USP34: variants seen among roughly 807,000 people sequenced by gnomAD.
USP34 encodes ubiquitin specific peptidase 34.
A neutral mutation model predicts 460.3 loss-of-function variants in USP34; 70 were observed. That is an observed-to-expected ratio of 0.15 (90% CI 0.13 to 0.19). The LOEUF (loss-of-function observed/expected upper bound fraction) is 0.19, where lower values mean the gene tolerates loss of function less well. USP34 is among the 10% of genes least tolerant of loss of function. The pLI, the probability that USP34 is intolerant of heterozygous loss-of-function variation, is 1.00. For missense variants in USP34, 3,985 were observed against 4,236.2 expected, an observed-to-expected ratio of 0.94 and a Z score of 1.65; for synonymous variants, 1,647 against 1,405.3, an observed-to-expected ratio of 1.17 and a Z score of -3.85.
intron 67 of USP34, among the ~76,000 whole-genome samples, chr2:61,220,040 C>T (rs906085670): frequency 6.6e-6 from 1 of 150,702 alleles, no homozygotes; most frequent in African/African-American, 2.4e-5. Context: ...ATTTTCAAAC[C>T]TTTTTATTCC....
rs571885085 is a variant in USP34, at chr2:61,338,499, G to T, written c.2744+852C>A. ...GCATGTACTTTTAAAATTCAATAGGGGAAAAAAATATTTTCAAGCACTTAT... is the reference window on the plus strand; with the variant it reads ...GCATGTACTTTTAAAATTCAATAGGTGAAAAAAATATTTTCAAGCACTTAT... On this transcript the variant is annotated intron_variant, in intron 18 of 79. Transcript: ENST00000398571. 7.2e-5 allele frequency among the ~76,000 whole-genome samples: 11 copies of T among 152,128 alleles called. No individual in the cohort carries two copies. In the East Asian group the frequency reaches 1.7e-3, roughly 24 times the overall value.
intron 2 of USP34, among the ~76,000 whole-genome samples, chr2:61,416,495 G>C (rs1694198200): frequency 6.6e-6 from 1 of 152,014 alleles, no homozygotes; most frequent in African/African-American, 2.4e-5. Context: ...TTAAATACCT[G>C]TTAAGGAACG....
chr2:61,341,225 T>C (rs1691589250), intron 16 of USP34, among the ~76,000 whole-genome samples: 2 of 152,242 alleles, frequency 1.3e-5, no homozygotes, highest in African/African-American at 4.8e-5. Flanking sequence ...TATCAGTTAA[T>C]TCCAGTTGGA....
At chr2:61,239,926 G>C (rs1688197357) in intron 53 of USP34, among the ~76,000 whole-genome samples, 3 of 150,214 alleles carry the variant, frequency 2.0e-5, no homozygotes, top group Admixed American at 1.3e-4. Flanking sequence ...CAGGAGAATG[G>C]CATGAACCCA....
At chr2:61,307,824 G>T (rs973668640) in intron 27 of USP34, among the ~76,000 whole-genome samples, 2 of 152,200 alleles carry the variant, frequency 1.3e-5, no homozygotes, top group South Asian at 4.2e-4. Context: ...AAGGGGGGAG[G>T]ATAGCTTGAG....
At chr2:61,442,684 T>C (rs575331424) in intron 1 of USP34, among the ~76,000 whole-genome samples, 90 of 152,282 alleles carry the variant, frequency 5.9e-4, no homozygotes, top group Non-Finnish European at 1.0e-3. Context: ...ACAGCCACTA[T>C]AGAGAACAGT....
At chr2:61,453,714 C>CA (rs1169951643) in intron 1 of USP34, among the ~76,000 whole-genome samples, 3,144 of 30,006 alleles carry the variant, frequency 0.1, 171 homozygotes, top group African/African-American at 0.18. Context: ...CATTCCATCT[C>CA]AAAAAAAAAA....
intron 1 of USP34, among the ~76,000 whole-genome samples, chr2:61,434,310 T>A (rs559904675): frequency 1.3e-5 from 2 of 151,882 alleles, no homozygotes; most frequent in Admixed American, 6.5e-5. Flanking sequence ...CACATCCCAG[T>A]CCTAAGAAAC....
chr2:61,245,297 G>A lies in USP34; in HGVS notation c.6549-9C>T, dbSNP rs765923131. 8.2e-6 allele frequency: 13 copies of A among 1,575,918 alleles called. No homozygotes were observed. Among genetic ancestry groups the A allele is most frequent in the Admixed American group, 1.7e-5 (1 of 58,916 alleles). On this transcript the variant is annotated splice_polypyrimidine_tract_variant and intron_variant, in intron 50 of 79. Coordinates refer to ENST00000398571, the MANE Select transcript of USP34 (RefSeq NM_014709.4). The stretch of plus-strand genomic sequence containing the variant: ...CATCATTAAAAAGATACCTAAAATA[G>A]AGCATATAGTATTAATCTAGTATGC...
Position 61,188,291 on chromosome 2 carries a change from T to G in USP34, c.10452A>C (p.Arg3484Ser). 2 of 1,613,862 alleles carry G rather than the reference T, an allele frequency of 1.2e-6. No individual in the cohort carries two copies. The highest frequency in any genetic ancestry group is 1.7e-6 in the Non-Finnish European group (2 of 1,180,028). Residue 3484 changes from arginine (R) to serine (S), a missense_variant, in exon 80 of 80, where the codon AGA becomes AGC. By Grantham distance (110) the Arg-to-Ser change is moderately radical. This residue lies in a region of USP34 where 506 missense variants were observed against 439.0 expected (regional missense o/e 1.15). Coordinates refer to ENST00000398571, the MANE Select transcript of USP34 (RefSeq NM_014709.4). The stretch of plus-strand genomic sequence containing the variant: ...AGGGCAAAGCTTGGCCATCACAGCT[T>G]CTCAAGTCAGCTAAGTCAGACAGAA... ...SAVLSDLADL[R>S]SCDGQALPSQ... is the part of the protein sequence containing the mutation.
intron 70 of USP34, 25 bp from the exon 71 acceptor site, chr2:61,206,911 A>G (rs1230150039): frequency 6.2e-7 from 1 of 1,606,028 alleles, no homozygotes; most frequent in Non-Finnish European, 8.5e-7. Flanking sequence ...AAAAAATTGA[A>G]AACTTAATTT....
intron 1 of USP34, among the ~76,000 whole-genome samples, chr2:61,428,492 A>G (rs1694574046): frequency 6.6e-6 from 1 of 152,232 alleles, no homozygotes; most frequent in Non-Finnish European, 1.5e-5. Context: ...CTTGCTAACT[A>G]TGACATTAAG....
chr2:61,227,693 AGAGT>A (rs1687769218), intron 61 of USP34, among the ~76,000 whole-genome samples: 1 of 151,814 alleles, frequency 6.6e-6, no homozygotes, highest in African/African-American at 2.4e-5. Flanking sequence ...CCTGGGAGAC[AGAGT>A]GAGACTCTGT....
At chr2:61,391,217 G>A (rs1255169843) in intron 5 of USP34, among the ~76,000 whole-genome samples, 4 of 152,112 alleles carry the variant, frequency 2.6e-5, no homozygotes, top group African/African-American at 7.2e-5. Context: ...AGGCCAAGGC[G>A]GGCGGATCAT....
intron 1 of USP34, among the ~76,000 whole-genome samples, chr2:61,441,750 G>A (rs925476180): frequency 2.1e-5 from 3 of 144,856 alleles, no homozygotes; most frequent in Non-Finnish European, 3.0e-5. Flanking sequence ...GCAGTGAGCT[G>A]TGATGGTACC....
At chr2:61,319,135 A>G (rs1236245515) in intron 22 of USP34, 38 bp downstream of exon 22, 6 of 1,519,612 alleles carry the variant, frequency 3.9e-6, no homozygotes, top group African/African-American at 1.4e-5. Context: ...AAAAGGGAAC[A>G]TGGAAAAATA....
intron 53 of USP34, among the ~76,000 whole-genome samples, chr2:61,237,235 C>T (rs1361264959): frequency 6.6e-6 from 1 of 152,128 alleles, no homozygotes; most frequent in African/African-American, 2.4e-5. Flanking sequence ...CTGTATCAGA[C>T]TCTGTATCAG....
At chr2:61,379,707 G>C (rs1272062812) in intron 7 of USP34, among the ~76,000 whole-genome samples, 1 of 152,180 alleles carries the variant, frequency 6.6e-6, no homozygotes, top group Non-Finnish European at 1.5e-5. Context: ...CTCACCAAGA[G>C]AAGCCAAGAA....
intron 10 of USP34, among the ~76,000 whole-genome samples, chr2:61,352,277 C>T (rs1020505929): frequency 6.6e-6 from 1 of 151,742 alleles, no homozygotes; most frequent in African/African-American, 2.4e-5. Flanking sequence ...GGTTTTTCTA[C>T]TTAAAATATG....
Sources: allele counts gnomAD v4.1 joint callset (sites outside exome capture counted in the v4.1 genomes callset), GRCh38; gene constraint gnomAD v4.1.1; regional missense constraint gnomAD v4.1.1; transcripts MANE v1.5; gene names NCBI Gene and HGNC (gene_info 2026-07-23, HGNC 2026-07-21).